Variants in UBE3C observed in about 807,000 individuals in gnomAD.
The protein encoded by UBE3C is ubiquitin protein ligase E3C, also known as ubiquitin-protein ligase E3C.
UBE3C carries 42 observed loss-of-function variants against 129.4 expected under a neutral mutation model. The ratio of observed to expected loss-of-function variants is 0.32; its 90% CI spans 0.25 to 0.42. The LOEUF (loss-of-function observed/expected upper bound fraction) is 0.42. Ranked by LOEUF, UBE3C falls within the 10% of genes least tolerant of loss-of-function variation. UBE3C has a pLI of 1.00. For synonymous variants in UBE3C, 510 were observed against 492.4 expected (o/e 1.04, Z -0.47); for missense variants, 1,049 against 1,319.1 (o/e 0.80, Z 3.17).
chr7:157,256,962 T>C lies in UBE3C; in HGVS notation c.2999T>C (p.Val1000Ala), dbSNP rs766677049. The change falls in exon 22 of 23, where the codon GTG becomes GCG. Residue 1000 changes from valine to alanine, a missense_variant. By Grantham distance (64) the Val-to-Ala change is moderately conservative. Transcript: ENST00000348165. ...GTTATTAAGGTCTTCTGGAGAGTTG[T>C]GGAAGGGTTCACTGATGAAGAAAAG... ...HPVIKVFWRV[V>A]EGFTDEEKRK... 1 of 1,614,206 alleles carries C rather than the reference T, an allele frequency of 6.2e-7. No individual in the cohort carries two copies. Among genetic ancestry groups the C allele is most frequent in the Non-Finnish European group, 8.5e-7 (1 of 1,180,028 alleles).
At chr7:157,196,488 T>C (rs1268801694) in intron 10 of UBE3C, among the ~76,000 whole-genome samples, 1 of 152,256 alleles carries the variant, frequency 6.6e-6, no homozygotes, top group East Asian at 1.9e-4. Flanking sequence ...CCTGTATTTC[T>C]ACACTAGTCT....
chr7:157,242,957 AG>A (rs1032640117), intron 18 of UBE3C, among the ~76,000 whole-genome samples: 3 of 152,038 alleles, frequency 2.0e-5, no homozygotes, highest in Admixed American at 6.6e-5. Context: ...TGGGAGGCTG[AG>A]GTAGGAAAAT....
At chr7:157,211,324 TGAC>T (rs1809590047) in intron 13 of UBE3C, among the ~76,000 whole-genome samples, 1 of 152,204 alleles carries the variant, frequency 6.6e-6, no homozygotes, top group Non-Finnish European at 1.5e-5. Flanking sequence ...TGCGACCATT[TGAC>T]TATGTTACAA....
chr7:157,237,312 G>A (rs1325530849), intron 18 of UBE3C, among the ~76,000 whole-genome samples: 7 of 150,938 alleles, frequency 4.6e-5, no homozygotes, highest in Admixed American at 1.3e-4. Flanking sequence ...GTGGTGGCGG[G>A]CGCCTGTAGT....
chr7:157,157,983 TATATAGAG>T (rs1303477617), intron 1 of UBE3C, among the ~76,000 whole-genome samples: 4 of 143,768 alleles, frequency 2.8e-5, no homozygotes, highest in South Asian at 2.2e-4. Flanking sequence ...GATATATATA[TATATAGAG>T]AGAGAGAGAG....
intron 10 of UBE3C, among the ~76,000 whole-genome samples, chr7:157,196,019 G>A (rs28459514): frequency 0.12 from 17,544 of 152,186 alleles, 1,253 homozygotes; most frequent in African/African-American, 0.19. Context: ...AAGACGAGGC[G>A]ATAAGCCCAG....
At chr7:157,216,846 G>C in intron 13 of UBE3C, 21 bp from the exon 14 acceptor site, 1 of 1,588,390 alleles carries the variant, frequency 6.3e-7, no homozygotes. Flanking sequence ...TGTGTGACGC[G>C]GATATGTTCT....
intron 19 of UBE3C, among the ~76,000 whole-genome samples, chr7:157,249,608 C>T (rs539124766): frequency 3.8e-4 from 58 of 152,300 alleles, no homozygotes; most frequent in East Asian, 1.4e-3. Flanking sequence ...CCACCGTGGC[C>T]GGCACGACAG....
intron 21 of UBE3C, among the ~76,000 whole-genome samples, chr7:157,254,649 C>A (rs1018807919): frequency 1.4e-4 from 22 of 152,050 alleles, no homozygotes; most frequent in Non-Finnish European, 2.5e-4. Context: ...CCACCCCCCT[C>A]AGCCTCCCCA....
chr7:157,253,796 C>A (rs1471107350), intron 19 of UBE3C, among the ~76,000 whole-genome samples, 158 bp from the exon 20 acceptor site: 2 of 152,196 alleles, frequency 1.3e-5, no homozygotes, highest in African/African-American at 4.8e-5. Flanking sequence ...ATCTTGGCAT[C>A]TGCACAATGC....
rs767370362 is a variant in UBE3C, at chr7:157,170,408, G to A, written c.300G>A (p.Gln100=). The A allele has an allele frequency of 3.8e-6, 6 of 1,568,042 alleles. No individual in the cohort carries two copies. Among genetic ancestry groups the A allele is most frequent in the South Asian group, 3.6e-5 (3 of 83,498 alleles). Residue 100 remains glutamine, a synonymous_variant, in exon 4 of 23, where the codon CAG becomes CAA. Transcript: ENST00000348165. ...NGPNLTLLVR[Q]LLFFYKQNED... Reference sequence around the variant, plus strand: ...CCAACCTTACCCTTTTGGTAAGGCAGCTTCTGTTTTTTTACAAACAAAATG... The same window carrying A: ...CCAACCTTACCCTTTTGGTAAGGCAACTTCTGTTTTTTTACAAACAAAATG...
intron 22 of UBE3C, among the ~76,000 whole-genome samples, chr7:157,264,777 G>T (rs1797032794): frequency 6.6e-6 from 1 of 152,162 alleles, no homozygotes; most frequent in Non-Finnish European, 1.5e-5. Flanking sequence ...CGCCATGTTG[G>T]TCAGGCTGGT....
chr7:157,175,120 A>G, intron 5 of UBE3C, 86 bp downstream of exon 5: 1 of 658,714 alleles, frequency 1.5e-6, no homozygotes, highest in Non-Finnish European at 2.1e-6. Flanking sequence ...ATTTTCAGAG[A>G]CAGTGGCTTT....
chr7:157,257,144 T>G, intron 22 of UBE3C, 100 bp downstream of exon 22: 1 of 1,482,074 alleles, frequency 6.7e-7, no homozygotes, highest in Non-Finnish European at 9.1e-7. Flanking sequence ...ACATACACTT[T>G]TGTTTTTATC....
At chr7:157,142,581 TG>T (rs1252007047) in intron 1 of UBE3C, among the ~76,000 whole-genome samples, 4 of 152,100 alleles carry the variant, frequency 2.6e-5, no homozygotes, top group African/African-American at 9.7e-5. Context: ...GAGCGGGGTG[TG>T]TGGAGTACAT....
chr7:157,246,675 T>C (rs1004007734), intron 18 of UBE3C, among the ~76,000 whole-genome samples: 23 of 152,176 alleles, frequency 1.5e-4, no homozygotes, highest in Non-Finnish European at 2.4e-4. Context: ...TCACCTTCCC[T>C]CTCTCTGTCC....
At chr7:157,207,240 A>G (rs1809457670) in intron 11 of UBE3C, among the ~76,000 whole-genome samples, 158 bp from the exon 12 acceptor site, 1 of 152,254 alleles carries the variant, frequency 6.6e-6, no homozygotes, top group Admixed American at 6.5e-5. Flanking sequence ...ATTAACCTGC[A>G]TTGCCATGGT....
In UBE3C at chr7:157,142,797, A is replaced by G. The variant is rs58545906; in HGVS notation, c.66+3459A>G. On this transcript the variant is annotated intron_variant, in intron 1 of 22. Coordinates refer to ENST00000348165, the MANE Select transcript of UBE3C (RefSeq NM_014671.3). Reference sequence around the variant, plus strand: ...CACACCCCAAACCTCCGCGTCCTGCAGTATATTCTTGTAACAAACGTGCAT... The same window carrying G: ...CACACCCCAAACCTCCGCGTCCTGCGGTATATTCTTGTAACAAACGTGCAT... Among the ~76,000 whole-genome samples, 880 of 152,192 alleles carry G rather than the reference A, an allele frequency of 5.8e-3. 16 individuals carry two copies. Among genetic ancestry groups the G allele is most frequent in the African/African-American group, 0.02 (850 of 41,512 alleles).
At chr7:157,163,952 G>T in intron 2 of UBE3C, 89 bp downstream of exon 2, 5 of 1,214,032 alleles carry the variant, frequency 4.1e-6, no homozygotes, top group Admixed American at 2.0e-5. Flanking sequence ...ATGTATGTGT[G>T]TATGTATTTT....
Sources: gnomAD v4.1 joint callset for allele counts (sites outside exome capture counted in the v4.1 genomes callset) on GRCh38, gnomAD v4.1.1 for gene constraint, MANE v1.5 for transcripts, NCBI Gene and HGNC (gene_info 2026-07-23, HGNC 2026-07-21) for gene names.